The following PLCH1 variants were observed in gnomAD, a reference collection of about 807,000 sequenced individuals.
PLCH1 encodes the protein 1-phosphatidylinositol 4,5-bisphosphate phosphodiesterase eta-1.
A neutral mutation model predicts 126.7 loss-of-function variants in PLCH1; 60 were observed. That is an observed-to-expected ratio of 0.47 (90% CI 0.38 to 0.59). PLCH1 has a LOEUF of 0.59. Among genes scored for constraint, PLCH1 ranks in the 20% least tolerant of loss-of-function variants. The pLI, the probability that PLCH1 is intolerant of heterozygous loss-of-function variation, is 0.00. For synonymous variants in PLCH1, 719 were observed against 734.9 expected (o/e 0.98, Z 0.35); for missense variants, 1,723 against 2,040.0 (o/e 0.84, Z 2.99).
intron 6 of PLCH1, among the ~76,000 whole-genome samples, chr3:155,581,524 G>A (rs1179540916): frequency 1.3e-5 from 2 of 152,012 alleles, no homozygotes; most frequent in African/African-American, 4.8e-5. Flanking sequence ...AAAACATTAC[G>A]CCAAATGAAA....
chr3:155,511,788 G>T (rs1445349620), intron 12 of PLCH1, among the ~76,000 whole-genome samples: 2 of 150,700 alleles, frequency 1.3e-5, no homozygotes, highest in South Asian at 4.2e-4. Context: ...GTCTGCAGAG[G>T]TTACTGCTGT....
intron 2 of PLCH1, among the ~76,000 whole-genome samples, chr3:155,618,109 C>T (rs1283238829): frequency 2.0e-5 from 3 of 152,154 alleles, no homozygotes; most frequent in Non-Finnish European, 2.9e-5. Flanking sequence ...AAGACTAAAA[C>T]TTATTTTTGC....
At chr3:155,685,213 G>C (rs909442885) in intron 2 of PLCH1, among the ~76,000 whole-genome samples, 6 of 152,212 alleles carry the variant, frequency 3.9e-5, no homozygotes, top group Non-Finnish European at 5.9e-5. Context: ...GACTCCAAAA[G>C]CTGGGAACAT....
At chr3:155,464,341 A>C (rs528523632) in intron 21 of PLCH1, among the ~76,000 whole-genome samples, 7 of 152,254 alleles carry the variant, frequency 4.6e-5, no homozygotes, top group East Asian at 1.9e-4. Context: ...GAACCACTAA[A>C]AATTTTTAAG....
chr3:155,512,160 C>G (rs1047546034), intron 12 of PLCH1, among the ~76,000 whole-genome samples: 7 of 151,808 alleles, frequency 4.6e-5, no homozygotes, highest in African/African-American at 1.7e-4. Flanking sequence ...AAGGGAACTC[C>G]CTGACCCCTT....
intron 22 of PLCH1, among the ~76,000 whole-genome samples, chr3:155,484,882 T>C (rs929001874): frequency 1.3e-5 from 2 of 152,172 alleles, no homozygotes; most frequent in African/African-American, 2.4e-5. Flanking sequence ...CTGAGCCACA[T>C]CTTGAGAAAA....
chr3:155,474,933 G>A (rs1300278773), downstream of PLCH1, among the ~76,000 whole-genome samples: 2 of 112,656 alleles, frequency 1.8e-5, no homozygotes, highest in East Asian at 6.1e-4. Context: ...GTGGTGGGGT[G>A]GGGGGAGGGG....
At chr3:155,633,069 A>G (rs1221182472) in intron 2 of PLCH1, among the ~76,000 whole-genome samples, 1 of 151,972 alleles carries the variant, frequency 6.6e-6, no homozygotes, top group Non-Finnish European at 1.5e-5. Context: ...TTTTACCATG[A>G]TAAATCCTAT....
At chr3:155,612,389 T>C (rs1266825118) in intron 2 of PLCH1, among the ~76,000 whole-genome samples, 1 of 148,108 alleles carries the variant, frequency 6.8e-6, no homozygotes, top group African/African-American at 2.5e-5. Flanking sequence ...TCAAAAAGTC[T>C]GAAAGAGGAC....
At chr3:155,458,431 AAGGAAGGAAGGAAGGAAG>A (rs1431145550) in intron 21 of PLCH1, among the ~76,000 whole-genome samples, 5 of 89,098 alleles carry the variant, frequency 5.6e-5, no homozygotes, top group East Asian at 6.1e-4. Context: ...GGAAGGAAGG[AAGGAAGGAAGGAAGGAAG>A]GAAGGAAAGA....
At chr3:155,676,235 A>G in intron 2 of PLCH1, 1 of 1,242,298 alleles carries the variant, frequency 8.0e-7, no homozygotes, top group Non-Finnish European at 1.0e-6. Flanking sequence ...TATAGTGTGG[A>G]GAAAATAAAT....
intron 2 of PLCH1, among the ~76,000 whole-genome samples, chr3:155,697,547 C>T (rs908106175): frequency 1.3e-5 from 2 of 152,144 alleles, no homozygotes; most frequent in Non-Finnish European, 2.9e-5. Flanking sequence ...AGGGGAGCAG[C>T]CCCTACAGTG....
intron 1 of PLCH1, among the ~76,000 whole-genome samples, chr3:155,716,613 A>C (rs1747529561): frequency 6.6e-6 from 1 of 152,064 alleles, no homozygotes; most frequent in Admixed American, 6.6e-5. Flanking sequence ...CTTTGCAACA[A>C]CCAGATCTCA....
intron 8 of PLCH1, among the ~76,000 whole-genome samples, chr3:155,564,097 A>G: frequency 6.6e-6 from 1 of 152,176 alleles, no homozygotes; most frequent in South Asian, 2.1e-4. Flanking sequence ...ATAGGTGTAC[A>G]ATACCATGCC....
chr3:155,488,908 G>T (rs1715737371), intron 19 of PLCH1, 102 bp from the exon 20 acceptor site: 8 of 1,032,336 alleles, frequency 7.7e-6, no homozygotes, highest in Non-Finnish European at 1.1e-5. Context: ...TGCTTGCAAT[G>T]GTTATTAAAC....
intron 6 of PLCH1, among the ~76,000 whole-genome samples, chr3:155,580,652 C>A (rs1333465128): frequency 2.0e-5 from 3 of 151,942 alleles, no homozygotes; most frequent in Non-Finnish European, 4.4e-5. Context: ...ACTAAGTGAG[C>A]ATGATTTCAT....
At chr3:155,727,534 T>A (rs565509488) in intron 1 of PLCH1, among the ~76,000 whole-genome samples, 31 of 152,168 alleles carry the variant, frequency 2.0e-4, no homozygotes, top group African/African-American at 7.2e-4. Flanking sequence ...ATTACAAGTG[T>A]GTGCCACCAC....
chr3:155,741,498 C>T (rs1413989895), intron 1 of PLCH1, among the ~76,000 whole-genome samples: 1 of 152,074 alleles, frequency 6.6e-6, no homozygotes, highest in Non-Finnish European at 1.5e-5. Flanking sequence ...CGTCTATGTC[C>T]TAGGAATGAC....
At chr3:155,515,763 C>A (rs1720226093) in intron 11 of PLCH1, among the ~76,000 whole-genome samples, 1 of 151,550 alleles carries the variant, frequency 6.6e-6, no homozygotes. Flanking sequence ...GTTTCCAATA[C>A]CTTTCCATAA....
Sources: gnomAD v4.1 joint callset for allele counts (sites outside exome capture counted in the v4.1 genomes callset) on GRCh38, gnomAD v4.1.1 for gene constraint, MANE v1.5 for transcripts, NCBI Gene and HGNC (gene_info 2026-07-23, HGNC 2026-07-21) for gene names.